Variants in HELQ observed in about 807,000 individuals in gnomAD.
The protein encoded by HELQ is helicase, POLQ like.
A neutral mutation model predicts 111.6 loss-of-function variants in HELQ; 77 were observed. That is an observed-to-expected ratio of 0.69 (90% CI 0.57 to 0.83). HELQ has a LOEUF of 0.83. Among genes scored for constraint, HELQ ranks in the 40% least tolerant of loss-of-function variants. The pLI is 0.00. For missense variants in HELQ, 1,200 were observed against 1,288.5 expected (o/e 0.93, Z 1.05); for synonymous variants, 438 against 454.7 (o/e 0.96, Z 0.47).
At chr4:83,449,230 T>TAGCA (rs1311973459) in intron 2 of HELQ, among the ~76,000 whole-genome samples, 3 of 152,000 alleles carry the variant, frequency 2.0e-5, no homozygotes, top group Non-Finnish European at 4.4e-5. Context: ...GCAGGGCAGG[T>TAGCA]AGCAGCCTCG....
chr4:83,420,900 T>C (rs946863626), intron 15 of HELQ, among the ~76,000 whole-genome samples: 1 of 150,426 alleles, frequency 6.6e-6, no homozygotes, highest in Non-Finnish European at 1.5e-5. Context: ...ATTACACCAC[T>C]ACACTCCAGC....
chr4:83,436,029 A>G (rs1306262318), intron 9 of HELQ, among the ~76,000 whole-genome samples: 4 of 152,142 alleles, frequency 2.6e-5, no homozygotes, highest in Non-Finnish European at 1.5e-5. Context: ...GAGAAAAACA[A>G]GTATTTATTG....
chr4:83,424,202 A>G (rs1719714485), intron 14 of HELQ, among the ~76,000 whole-genome samples: 2 of 152,204 alleles, frequency 1.3e-5, no homozygotes, highest in Admixed American at 6.5e-5. Flanking sequence ...CAAGCTTAAA[A>G]AGATATATTA....
chr4:83,425,158 T>C (rs1719779521), intron 14 of HELQ, among the ~76,000 whole-genome samples: 1 of 151,602 alleles, frequency 6.6e-6, no homozygotes, highest in South Asian at 2.1e-4. Context: ...CAGGCGCCTG[T>C]AATCCCAGTG....
At chr4:83,451,718 T>C (rs1456240045) in intron 2 of HELQ, among the ~76,000 whole-genome samples, 2 of 152,008 alleles carry the variant, frequency 1.3e-5, no homozygotes, top group African/African-American at 4.8e-5. Flanking sequence ...GATAGAGCCT[T>C]GTCCTCAGGA....
chr4:83,433,875 G>C (rs1428200796), intron 9 of HELQ, among the ~76,000 whole-genome samples: 3 of 151,124 alleles, frequency 2.0e-5, no homozygotes, highest in African/African-American at 7.3e-5. Flanking sequence ...CAGCTACTTG[G>C]GAGGCTGAGG....
At chr4:83,432,858 G>A (rs1468074164) in intron 9 of HELQ, among the ~76,000 whole-genome samples, 1 of 151,858 alleles carries the variant, frequency 6.6e-6, no homozygotes, top group Non-Finnish European at 1.5e-5. Flanking sequence ...ACCAGCTTGG[G>A]CAATATAGTG....
chr4:83,417,090 G>C (rs1022073266), intron 16 of HELQ, among the ~76,000 whole-genome samples: 2 of 152,120 alleles, frequency 1.3e-5, no homozygotes, highest in Admixed American at 1.3e-4. Context: ...TGAGTCAACT[G>C]ATGTGTGCTG....
At chr4:83,439,479 C>A (rs1720655262) in intron 8 of HELQ, among the ~76,000 whole-genome samples, 1 of 152,014 alleles carries the variant, frequency 6.6e-6, no homozygotes, top group African/African-American at 2.4e-5. Flanking sequence ...CATGTCTCAG[C>A]CTCCCCAGTA....
intron 14 of HELQ, among the ~76,000 whole-genome samples, chr4:83,424,373 G>A (rs1338246483): frequency 3.9e-5 from 6 of 152,134 alleles, no homozygotes; most frequent in Admixed American, 3.9e-4. Flanking sequence ...CATTTCCAAA[G>A]TAAAAGACCC....
Position 83,436,925 on chromosome 4 carries a change from T to C in HELQ, c.1981A>G (p.Thr661Ala), listed in dbSNP as rs1372563910. 2 of 1,614,096 alleles carry C rather than the reference T, an allele frequency of 1.2e-6. No individual in the cohort carries two copies. Among genetic ancestry groups the C allele is most frequent in the South Asian group, 1.1e-5 (1 of 91,086 alleles). The change falls in exon 9 of 18, where the codon ACA becomes GCA. Residue 661 changes from threonine (T) to alanine (A), a missense_variant. Coordinates refer to ENST00000295488, the MANE Select transcript of HELQ (RefSeq NM_133636.5). ...ERKLLEEAYS[T>A]GVLCLFTCTS... ...CAGGTAAAAAGACAGAGCACTCCTG[T>C]GGAGTAGGCCTCCTCCAAGAGTTTC...
rs371635045 is a variant in HELQ at position 83,441,362 on chromosome 4, A to G, written c.1605T>C (p.Tyr535=). 8.2e-6 allele frequency: 13 copies of G among 1,590,154 alleles called. No homozygotes were observed. Among genetic ancestry groups the G allele is most frequent in the Non-Finnish European group, 1.0e-5 (12 of 1,161,936 alleles). Residue 535 remains tyrosine, a synonymous_variant, in exon 7 of 18, where the codon TAT becomes TAC. Coordinates refer to ENST00000295488, the MANE Select transcript of HELQ (RefSeq NM_133636.5). ...KEYLKINDTI[Y]EVDSKAENGM... is the part of the protein sequence containing the mutation. ...CATTCTCAGCTTTGCTGTCAACTTC[A>G]TATATTGTATCATTTATTTTCAGAT... is the stretch of plus-strand genomic sequence containing the variant.
chr4:83,445,384 T>A (rs148003532), intron 5 of HELQ, among the ~76,000 whole-genome samples: 12 of 152,202 alleles, frequency 7.9e-5, no homozygotes, highest in African/African-American at 2.7e-4. Flanking sequence ...ATATTATTGC[T>A]GTTGAAATTT....
At chr4:83,423,859 T>G (rs1016093886) in intron 14 of HELQ, among the ~76,000 whole-genome samples, 10 of 151,636 alleles carry the variant, frequency 6.6e-5, no homozygotes, top group Non-Finnish European at 1.3e-4. Flanking sequence ...TGCAGTGAGC[T>G]GAGATCGTGC....
chr4:83,435,698 C>G (rs920791852), intron 9 of HELQ, among the ~76,000 whole-genome samples: 3 of 151,958 alleles, frequency 2.0e-5, no homozygotes. Context: ...TTAAATCTGG[C>G]ACTAAAATTC....
Position 83,455,747 on chromosome 4 carries a change from G to C in HELQ, c.-54C>G. ...TCGTTCTCAGTGACCCAGACGCTAA[G>C]CCCATATGGAAGGGAGAGTGGGACG... is the stretch of plus-strand genomic sequence containing the variant. On this transcript the variant is annotated 5_prime_UTR_variant, in exon 1 of 18. Coordinates refer to ENST00000295488, the MANE Select transcript of HELQ (RefSeq NM_133636.5). 1 of 1,530,616 alleles carries C rather than the reference G, an allele frequency of 6.5e-7. No homozygotes were observed. Among genetic ancestry groups the C allele is most frequent in the African/African-American group, 1.4e-5 (1 of 73,466 alleles). The allele number at this position is 1,530,616 out of a possible 1,614,324, so 94.8% of individuals were successfully genotyped here.
At chr4:83,438,773 GA>G (rs1332441404) in intron 8 of HELQ, among the ~76,000 whole-genome samples, 1 of 136,518 alleles carries the variant, frequency 7.3e-6, no homozygotes, top group African/African-American at 3.4e-5. Flanking sequence ...AAAAGGAAAA[GA>G]GAAAAAAAGG....
chr4:83,447,551 A>G (rs765438009), intron 3 of HELQ, among the ~76,000 whole-genome samples: 11 of 152,136 alleles, frequency 7.2e-5, no homozygotes, highest in Non-Finnish European at 1.5e-4. Context: ...ATAAATTTCA[A>G]CTGGCGCCTT....
intron 17 of HELQ, among the ~76,000 whole-genome samples, chr4:83,413,720 T>A (rs1487995857): frequency 6.6e-6 from 1 of 152,242 alleles, no homozygotes; most frequent in African/African-American, 2.4e-5. Flanking sequence ...CCTGGATATC[T>A]TAAAATGCTC....
Sources: gnomAD v4.1 joint callset for allele counts (sites outside exome capture counted in the v4.1 genomes callset) on GRCh38, gnomAD v4.1.1 for gene constraint, MANE v1.5 for transcripts, NCBI Gene and HGNC (gene_info 2026-07-23, HGNC 2026-07-21) for gene names.